Variants in FAM167A observed in about 807,000 individuals in gnomAD.
The protein encoded by FAM167A is protein FAM167A.
A neutral mutation model predicts 14.9 loss-of-function variants in FAM167A; 23 were observed. The ratio of observed to expected loss-of-function variants is 1.55; its 90% CI spans 1.11 to 2.19. The LOEUF is 2.19. Among genes scored for constraint, FAM167A ranks in the 30% most tolerant of loss-of-function variants. The pLI is 0.00. For missense variants in FAM167A, 401 were observed against 281.5 expected, an observed-to-expected ratio of 1.42 and a Z score of -3.04; for synonymous variants, 174 against 117.7, an observed-to-expected ratio of 1.48 and a Z score of -3.10.
chr8:11,468,743 G>C (rs140151891), upstream of FAM167A, among the ~76,000 whole-genome samples: 1,050 of 152,318 alleles, frequency 6.9e-3, 9 homozygotes, highest in African/African-American at 0.024. Flanking sequence ...CTACCTCCTG[G>C]CTCCCTGTTT....
chr8:11,466,353 C>T (rs187391221), intron 1 of FAM167A, among the ~76,000 whole-genome samples: 104 of 152,374 alleles, frequency 6.8e-4, no homozygotes, highest in Admixed American at 1.6e-3. Context: ...GAATCCGAGC[C>T]CGGACACGGC....
chr8:11,434,354 G>A (rs1805843936), intron 2 of FAM167A, among the ~76,000 whole-genome samples: 1 of 152,176 alleles, frequency 6.6e-6, no homozygotes, highest in Non-Finnish European at 1.5e-5. Flanking sequence ...ACTGTGGATG[G>A]GAGGGGGGCA....
At chr8:11,440,044 C>G (rs1434674881) in intron 2 of FAM167A, among the ~76,000 whole-genome samples, 1 of 152,192 alleles carries the variant, frequency 6.6e-6, no homozygotes, top group Non-Finnish European at 1.5e-5. Flanking sequence ...TCCCCCCACT[C>G]CCACCCAGGC....
At position 11,424,211 on chromosome 8, in the gene FAM167A, G is replaced by C. The variant is rs1466357039; in HGVS notation, c.*162C>G. ...CTGGCATCCACACCCAGGGCCCCTG[G>C]GTGGGAGAGCACCACTGAATAGGTC... On this transcript the variant is annotated 3_prime_UTR_variant, in exon 3 of 3. Transcript: ENST00000284486. 1.5e-5 allele frequency: 12 copies of C among 823,832 alleles called. No homozygotes were observed. The highest frequency in any genetic ancestry group is 3.6e-5 in the South Asian group (2 of 55,462). The allele number at this position is 823,832 out of a possible 1,614,324, so 51.0% of individuals were successfully genotyped here. A position where few individuals can be genotyped will look rare whatever the true frequency, so the allele number is the denominator to read the frequency against.
At chr8:11,450,196 G>C (rs1172513320) in intron 1 of FAM167A, among the ~76,000 whole-genome samples, 1 of 152,204 alleles carries the variant, frequency 6.6e-6, no homozygotes, top group African/African-American at 2.4e-5. Context: ...CCTTAGTTCA[G>C]TTCTCAGGGA....
chr8:11,460,554 G>A (rs1433457666), intron 1 of FAM167A, among the ~76,000 whole-genome samples: 2 of 152,356 alleles, frequency 1.3e-5, no homozygotes, highest in East Asian at 3.9e-4. Flanking sequence ...AGTGTCCTAT[G>A]CTAATGGTTG....
At chr8:11,428,829 G>C (rs1805365062) in intron 2 of FAM167A, among the ~76,000 whole-genome samples, 1 of 152,128 alleles carries the variant, frequency 6.6e-6, no homozygotes. Flanking sequence ...ACACTAACTT[G>C]AGCCCCGATT....
chr8:11,445,504 G>C, intron 1 of FAM167A: 1 of 985,664 alleles, frequency 1.0e-6, no homozygotes, highest in Non-Finnish European at 1.2e-6. Context: ...GGCTAAACAA[G>C]CAGGCTGTGA....
chr8:11,425,676 T>C (rs1196441544), intron 2 of FAM167A, among the ~76,000 whole-genome samples: 1 of 148,878 alleles, frequency 6.7e-6, no homozygotes, highest in Non-Finnish European at 1.5e-5. Context: ...ATACCCCCCC[T>C]TGCTGTTGGA....
intron 1 of FAM167A, among the ~76,000 whole-genome samples, chr8:11,473,699 T>C (rs1046650740): frequency 1.3e-5 from 2 of 152,172 alleles, no homozygotes; most frequent in Admixed American, 6.5e-5. Flanking sequence ...GCAAATCCCT[T>C]AGTCTCTTGA....
intron 2 of FAM167A, 114 bp downstream of exon 2, chr8:11,443,917 G>A (rs1313849231): frequency 1.6e-5 from 21 of 1,304,274 alleles, no homozygotes; most frequent in Non-Finnish European, 2.0e-5. Context: ...GGGTTAGAGA[G>A]AGGGGAAGAA....
At chr8:11,458,193 T>C (rs925086502) in intron 1 of FAM167A, among the ~76,000 whole-genome samples, 6 of 152,212 alleles carry the variant, frequency 3.9e-5, no homozygotes, top group African/African-American at 1.2e-4. Flanking sequence ...GTCTCAACTT[T>C]ATGTCTCATC....
At chr8:11,427,925 G>T (rs989081613) in intron 2 of FAM167A, among the ~76,000 whole-genome samples, 1 of 152,190 alleles carries the variant, frequency 6.6e-6, no homozygotes, top group Admixed American at 6.5e-5. Context: ...CATTTGTTTT[G>T]TAATGGTGTC....
intron 1 of FAM167A, among the ~76,000 whole-genome samples, chr8:11,446,983 G>A (rs749210048): frequency 6.6e-6 from 1 of 152,084 alleles, no homozygotes; most frequent in Non-Finnish European, 1.5e-5. Context: ...GCACCCTCCC[G>A]CCCTGAGTTC....
intron 1 of FAM167A, among the ~76,000 whole-genome samples, chr8:11,472,957 T>C (rs543646096): frequency 1.9e-4 from 29 of 152,244 alleles, no homozygotes; most frequent in Non-Finnish European, 4.3e-4. Context: ...GCCAGCAAGA[T>C]AAAAGAAACA....
At chr8:11,450,698 G>GA (rs1806988315) in intron 1 of FAM167A, among the ~76,000 whole-genome samples, 1 of 152,222 alleles carries the variant, frequency 6.6e-6, no homozygotes, top group Non-Finnish European at 1.5e-5. Context: ...GCTGTGGAAT[G>GA]AATGAGCCAA....
chr8:11,448,422 G>A (rs1356646218), intron 1 of FAM167A, among the ~76,000 whole-genome samples: 3 of 152,146 alleles, frequency 2.0e-5, no homozygotes, highest in Non-Finnish European at 4.4e-5. Flanking sequence ...CCTTAGTCAT[G>A]GTTTTTAAAA....
At chr8:11,437,050 C>T (rs1806067932) in intron 2 of FAM167A, among the ~76,000 whole-genome samples, 1 of 152,192 alleles carries the variant, frequency 6.6e-6, no homozygotes, top group African/African-American at 2.4e-5. Flanking sequence ...GTTTTGTTCT[C>T]CAAAGTCACT....
chr8:11,456,652 G>T (rs1807325416), intron 1 of FAM167A, among the ~76,000 whole-genome samples: 1 of 151,766 alleles, frequency 6.6e-6, no homozygotes, highest in East Asian at 1.9e-4. Flanking sequence ...GCTCTATTGG[G>T]TGTGTGCTCT....
Sources: allele counts gnomAD v4.1 joint callset (sites outside exome capture counted in the v4.1 genomes callset), GRCh38; gene constraint gnomAD v4.1.1; transcripts MANE v1.5; gene names NCBI Gene and HGNC (gene_info 2026-07-23, HGNC 2026-07-21).